KCNIP1: variants seen among roughly 807,000 people sequenced by gnomAD.
KCNIP1 encodes A-type potassium channel modulatory protein KCNIP1.
KCNIP1 carries 18 observed loss-of-function variants against 33.0 expected under a neutral mutation model. The ratio of observed to expected loss-of-function variants is 0.55; its 90% CI spans 0.38 to 0.81. The LOEUF is 0.81. Ranked by LOEUF, KCNIP1 falls within the 30% of genes least tolerant of loss-of-function variation. KCNIP1 has a pLI of 0.00. For missense variants in KCNIP1, 238 were observed against 271.6 expected (o/e 0.88, Z 0.87); for synonymous variants, 93 against 98.3 (o/e 0.95, Z 0.32).
chr5:170,364,397 C>T (rs767706818), intron 1 of KCNIP1, among the ~76,000 whole-genome samples: 1 of 152,186 alleles, frequency 6.6e-6, no homozygotes, highest in Non-Finnish European at 1.5e-5. Context: ...TGTCTGGATA[C>T]TACATTTTGC....
chr5:170,724,366 T>C (rs1439151685), intron 5 of KCNIP1, among the ~76,000 whole-genome samples: 1 of 152,072 alleles, frequency 6.6e-6, no homozygotes, highest in East Asian at 1.9e-4. Flanking sequence ...TGAGCACAGA[T>C]AAAAAAGCTT....
intron 1 of KCNIP1, among the ~76,000 whole-genome samples, chr5:170,647,913 A>G (rs1398769720): frequency 6.6e-6 from 1 of 152,206 alleles, no homozygotes; most frequent in East Asian, 1.9e-4. Context: ...CATACAAAGA[A>G]CTCTTAAAAA....
intron 1 of KCNIP1, among the ~76,000 whole-genome samples, chr5:170,415,189 A>T (rs1755295411): frequency 6.6e-6 from 1 of 151,910 alleles, no homozygotes; most frequent in African/African-American, 2.4e-5. Flanking sequence ...GAGTGAGGGG[A>T]TGGGGCTGAT....
rs369314118 is a variant in KCNIP1, at chr5:170,614,403, T to G, written c.62-104355T>G. 2.3e-4 allele frequency among the ~76,000 whole-genome samples: 35 copies of G among 152,338 alleles called. No homozygotes were observed. The South Asian group carries it at 6.4e-3, about 28-fold the overall frequency. ...GGACACATGCATTCCAGTGGTGCCA[T>G]CTTCTAAGTGTTGGCAGCTTGCCAG... On this transcript the variant is annotated intron_variant, in intron 1 of 7. Coordinates refer to ENST00000328939, the MANE Select transcript of KCNIP1 (RefSeq NM_014592.4).
intron 5 of KCNIP1, among the ~76,000 whole-genome samples, chr5:170,726,802 T>C (rs11748787): frequency 3.1e-4 from 46 of 147,736 alleles, no homozygotes; most frequent in Non-Finnish European, 5.5e-4. Flanking sequence ...TCCCAGCTAC[T>C]AGGGAGGCTG....
At chr5:170,670,778 C>G (rs1189760471) in intron 1 of KCNIP1, among the ~76,000 whole-genome samples, 1 of 152,106 alleles carries the variant, frequency 6.6e-6, no homozygotes, top group Non-Finnish European at 1.5e-5. Flanking sequence ...CACCTGCAGT[C>G]CCAGCTACTC....
chr5:170,527,948 C>T (rs771394925), intron 1 of KCNIP1, among the ~76,000 whole-genome samples: 5 of 152,030 alleles, frequency 3.3e-5, no homozygotes, highest in South Asian at 2.1e-4. Context: ...TACAGACACA[C>T]GACAATTCTG....
chr5:170,399,756 C>T (rs1754849510), intron 1 of KCNIP1, among the ~76,000 whole-genome samples: 2 of 152,172 alleles, frequency 1.3e-5, no homozygotes, highest in South Asian at 4.1e-4. Context: ...AATAGTCCAT[C>T]ATATAGATAT....
intron 1 of KCNIP1, among the ~76,000 whole-genome samples, chr5:170,635,590 C>A (rs1196503390): frequency 6.6e-6 from 1 of 152,200 alleles, no homozygotes; most frequent in Non-Finnish European, 1.5e-5. Context: ...CTTAGTTAAA[C>A]TTTCATTTAT....
At chr5:170,652,328 A>G (rs972556370) in intron 1 of KCNIP1, among the ~76,000 whole-genome samples, 1 of 152,086 alleles carries the variant, frequency 6.6e-6, no homozygotes, top group African/African-American at 2.4e-5. Context: ...TACTAAAAAT[A>G]CAAAAAGTTA....
chr5:170,427,732 C>T (rs1258431675), intron 1 of KCNIP1, among the ~76,000 whole-genome samples: 1 of 152,190 alleles, frequency 6.6e-6, no homozygotes, highest in Non-Finnish European at 1.5e-5. Flanking sequence ...TCCTCCACTT[C>T]CTTTTGAGAA....
intron 1 of KCNIP1, among the ~76,000 whole-genome samples, chr5:170,620,946 C>T (rs999379627): frequency 6.6e-6 from 1 of 152,180 alleles, no homozygotes; most frequent in Non-Finnish European, 1.5e-5. Context: ...CCTTCCATCT[C>T]CTCCCTTTAC....
At chr5:170,687,191 T>G (rs535071259) in intron 1 of KCNIP1, among the ~76,000 whole-genome samples, 158 of 152,140 alleles carry the variant, frequency 1.0e-3, no homozygotes, top group Middle Eastern at 3.4e-3. Flanking sequence ...GTAAATTTTT[T>G]TTTTTTTTGA....
intron 1 of KCNIP1, among the ~76,000 whole-genome samples, chr5:170,606,853 T>C (rs1405295079): frequency 6.6e-6 from 1 of 152,184 alleles, no homozygotes; most frequent in Non-Finnish European, 1.5e-5. Context: ...CTTCTGCTGC[T>C]CTGGTTCCCC....
chr5:170,455,401 G>A (rs1029110979), intron 1 of KCNIP1, among the ~76,000 whole-genome samples: 3 of 151,910 alleles, frequency 2.0e-5, no homozygotes, highest in Non-Finnish European at 4.4e-5. Flanking sequence ...GTGCAGTGGT[G>A]TGATCATGGC....
At chr5:170,522,609 G>A (rs1179048905) in intron 1 of KCNIP1, among the ~76,000 whole-genome samples, 1 of 152,202 alleles carries the variant, frequency 6.6e-6, no homozygotes, top group Non-Finnish European at 1.5e-5. Flanking sequence ...TGGGGAATTC[G>A]CCAAGGTAAA....
intron 1 of KCNIP1, among the ~76,000 whole-genome samples, chr5:170,527,982 T>G (rs1474109623): frequency 5.9e-5 from 9 of 152,078 alleles, no homozygotes; most frequent in Non-Finnish European, 1.5e-5. Flanking sequence ...ATTTTTCGAT[T>G]ATCCTTTACT....
intron 1 of KCNIP1, among the ~76,000 whole-genome samples, chr5:170,493,790 C>G (rs1303879331): frequency 6.6e-6 from 1 of 152,216 alleles, no homozygotes; most frequent in African/African-American, 2.4e-5. Flanking sequence ...CCATGCCCCA[C>G]TCTTCCTTCC....
At chr5:170,390,801 C>G (rs944766069) in intron 1 of KCNIP1, among the ~76,000 whole-genome samples, 1 of 151,982 alleles carries the variant, frequency 6.6e-6, no homozygotes, top group Non-Finnish European at 1.5e-5. Context: ...CTCGATCATA[C>G]AGTAAGCTGC....
Sources: gnomAD v4.1 joint callset for allele counts (sites outside exome capture counted in the v4.1 genomes callset) on GRCh38, gnomAD v4.1.1 for gene constraint, MANE v1.5 for transcripts, NCBI Gene and HGNC (gene_info 2026-07-23, HGNC 2026-07-21) for gene names.